Variants in CCT7 observed in about 807,000 individuals in gnomAD.
The protein encoded by CCT7 is T-complex protein 1 subunit eta.
A neutral mutation model predicts 56.6 loss-of-function variants in CCT7; 16 were observed. The ratio of observed to expected loss-of-function variants is 0.28; its 90% CI spans 0.19 to 0.43. CCT7 has a LOEUF of 0.43. CCT7 is among the 20% of genes least tolerant of loss of function. The pLI, the probability that CCT7 is intolerant of heterozygous loss-of-function variation, is 1.00. For missense variants in CCT7, 519 were observed against 685.6 expected, an observed-to-expected ratio of 0.76 and a Z score of 2.71; for synonymous variants, 262 against 254.8, an observed-to-expected ratio of 1.03 and a Z score of -0.27.
intron 6 of CCT7, among the ~76,000 whole-genome samples, chr2:73,245,233 A>G (rs755890248): frequency 5.9e-5 from 9 of 152,248 alleles, no homozygotes; most frequent in Admixed American, 2.6e-4. Flanking sequence ...CTTTGTGCAT[A>G]TATGAACATG....
At chr2:73,242,921 T>G in intron 3 of CCT7, 83 bp from the exon 4 acceptor site, 2 of 1,525,810 alleles carry the variant, frequency 1.3e-6, no homozygotes, top group Middle Eastern at 2.3e-4. Context: ...TCAGTTTAAA[T>G]GGGTAGCGTG....
At chr2:73,244,882 A>G (rs922098829) in intron 6 of CCT7, among the ~76,000 whole-genome samples, 167 bp downstream of exon 6, 1 of 152,154 alleles carries the variant, frequency 6.6e-6, no homozygotes, top group African/African-American at 2.4e-5. Flanking sequence ...CTGTTACTAG[A>G]TGAACTTGGT....
intron 11 of CCT7, 106 bp downstream of exon 11, chr2:73,251,538 C>T: frequency 2.1e-6 from 2 of 944,152 alleles, no homozygotes; most frequent in Non-Finnish European, 3.3e-6. Flanking sequence ...AGGAGATAGG[C>T]TGCAACTCCC....
At chr2:73,237,618 T>C (rs1407247356) in intron 1 of CCT7, 1 of 152,136 alleles carries the variant, frequency 6.6e-6, no homozygotes, top group African/African-American at 2.4e-5. Context: ...AAGCCATTTC[T>C]TGCCACCAGA....
At chr2:73,244,151 G>A in intron 5 of CCT7, 102 bp downstream of exon 5, 1 of 1,147,670 alleles carries the variant, frequency 8.7e-7, no homozygotes, top group Non-Finnish European at 1.2e-6. Flanking sequence ...TCTCCCACCT[G>A]CGACTCCCAA....
In CCT7 at chr2:73,252,647, C is replaced by G; in HGVS notation, c.1418C>G (p.Thr473Arg). The change falls in exon 12 of 12, where the codon ACA becomes AGA. Residue 473 changes from threonine to arginine, a missense_variant. Around this residue, in one of 3 missense-constraint regions of CCT7, gnomAD observed 237 missense variants for 300.8 expected, o/e 0.79. Coordinates refer to ENST00000258091, the MANE Select transcript of CCT7 (RefSeq NM_006429.4). ...CTTTTCCTACTCTTTTAGGGGGGTACATGGTATGGAGTAGACATCAACAAC... is the reference window on the plus strand; with the variant it reads ...CTTTTCCTACTCTTTTAGGGGGGTAGATGGTATGGAGTAGACATCAACAAC... ...KLRARHAQGG[T>R]WYGVDINNED... 1 of 1,613,086 alleles carries G rather than the reference C, an allele frequency of 6.2e-7. No individual in the cohort carries two copies. The highest frequency in any genetic ancestry group is 1.3e-5 in the African/African-American group (1 of 74,992).
At chr2:73,247,613 G>A (rs557760470) in intron 6 of CCT7, 149 bp from the exon 7 acceptor site, 81 of 569,758 alleles carry the variant, frequency 1.4e-4, no homozygotes, top group Non-Finnish European at 2.3e-4. Flanking sequence ...TCGATTTTAT[G>A]ATAACAGAAA....
chr2:73,244,220 C>T (rs1687234908), intron 5 of CCT7, 171 bp downstream of exon 5: 1 of 687,152 alleles, frequency 1.5e-6, no homozygotes. Flanking sequence ...CCTTGACTGA[C>T]TTCCTGTGGC....
At chr2:73,245,960 T>TGA (rs1687315351) in intron 6 of CCT7, among the ~76,000 whole-genome samples, 1 of 152,284 alleles carries the variant, frequency 6.6e-6, no homozygotes, top group South Asian at 2.1e-4. Context: ...CATAAATGGT[T>TGA]GAGATTAGAT....
intron 11 of CCT7, among the ~76,000 whole-genome samples, chr2:73,252,117 T>A (rs1687618273): frequency 6.6e-6 from 1 of 151,972 alleles, no homozygotes; most frequent in Non-Finnish European, 1.5e-5. Context: ...GTTTAATTTC[T>A]CCATTTGTTA....
rs1687665675 is a variant in CCT7, at chr2:73,252,966, C to T, written c.*105C>T. The T allele has an allele frequency of 2.8e-6, 2 of 709,768 alleles. No homozygotes were observed. Among genetic ancestry groups the T allele is most frequent in the Non-Finnish European group, 4.8e-6 (2 of 421,012 alleles). 44.0% of individuals were successfully genotyped at this position (709,768 alleles called of 1,614,324 possible). Reference sequence around the variant, plus strand: ...GAAGGGGTAGTAATTGGCCCACTCTCTTCTTACTGGAGGCTATTTAAATAA... The same window carrying T: ...GAAGGGGTAGTAATTGGCCCACTCTTTTCTTACTGGAGGCTATTTAAATAA... On this transcript the variant is annotated 3_prime_UTR_variant, in exon 12 of 12. Transcript: ENST00000258091.
At chr2:73,249,518 C>G (rs1687482096) in intron 8 of CCT7, among the ~76,000 whole-genome samples, 1 of 152,202 alleles carries the variant, frequency 6.6e-6, no homozygotes, top group Non-Finnish European at 1.5e-5. Context: ...GTTTAAAGTA[C>G]TCCTGAGTTC....
intron 1 of CCT7, among the ~76,000 whole-genome samples, chr2:73,234,623 GA>G (rs1472752475): frequency 6.6e-6 from 1 of 152,234 alleles, no homozygotes; most frequent in African/African-American, 2.4e-5. Flanking sequence ...GCCGGTTGGG[GA>G]CTACAAGTCC....
At chr2:73,242,865 A>T in intron 3 of CCT7, 139 bp from the exon 4 acceptor site, 1 of 992,266 alleles carries the variant, frequency 1.0e-6, no homozygotes, top group East Asian at 2.6e-5. Flanking sequence ...CTTATTGCAA[A>T]AACCTGTGCT....
In CCT7 at chr2:73,251,369, G is replaced by A. The variant is rs1284032855; in HGVS notation, c.1347G>A (p.Leu449=). ...AKALEIIPRQ[L]CDNAGFDATN... The stretch of plus-strand genomic sequence containing the variant: ...CCTTGGAGATTATCCCACGCCAGCT[G>A]TGTGACAATGCTGGCTTTGATGCCA... The change falls in exon 11 of 12, where the codon CTG becomes CTA. Residue 449 remains leucine, a synonymous_variant. Coordinates refer to ENST00000258091, the MANE Select transcript of CCT7 (RefSeq NM_006429.4). 1.2e-6 allele frequency: 2 copies of A among 1,613,796 alleles called. No individual in the cohort carries two copies. The highest frequency in any genetic ancestry group is 2.7e-5 in the African/African-American group (2 of 74,906).
intron 7 of CCT7, 96 bp from the exon 8 acceptor site, chr2:73,248,895 T>G: frequency 1.1e-6 from 1 of 922,632 alleles, no homozygotes; most frequent in Non-Finnish European, 1.7e-6. Context: ...TGAATCAGCA[T>G]GTTTTATTTG....
At position 73,234,387 on chromosome 2, in the gene CCT7, G is replaced by A; in HGVS notation, c.6+3G>A. The A allele has an allele frequency of 6.2e-7, 1 of 1,613,490 alleles. No individual in the cohort carries two copies. Among genetic ancestry groups the A allele is most frequent in the East Asian group, 2.2e-5 (1 of 44,886 alleles). On this transcript the variant is annotated splice_donor_region_variant and intron_variant, in intron 1 of 11. Transcript: ENST00000258091. The stretch of plus-strand genomic sequence containing the variant: ...CTGAATAAGCTTCCAAAATGATGGT[G>A]AGTGGCGTCTCGCGCATCCGTCGCC...
intron 11 of CCT7, 23 bp downstream of exon 11, chr2:73,251,455 GTTCAGGGTTTGGGC>G: frequency 1.8e-6 from 1 of 556,740 alleles, no homozygotes; most frequent in Non-Finnish European, 3.4e-6. Context: ...TCTCCCCAGG[GTTCAGGGTTTGGGC>G]GGGTGGGGCT....
At position 73,244,376 on chromosome 2, in the gene CCT7, A is replaced by G. The variant is rs1285991843; in HGVS notation, c.447-168A>G. 4.8e-6 allele frequency: 3 copies of G among 621,538 alleles called. No homozygotes were observed. The African/African-American group carries it at 5.5e-5, about 11-fold the overall frequency. The allele number at this position is 621,538 out of a possible 1,614,324, so 38.5% of individuals were successfully genotyped here. A position where few individuals can be genotyped will look rare whatever the true frequency, so the allele number is the denominator to read the frequency against. On this transcript the variant is annotated intron_variant, in intron 5 of 11. Coordinates refer to ENST00000258091, the MANE Select transcript of CCT7 (RefSeq NM_006429.4). ...AAAGCTGCCACATATGAGATCTTTGACTGCAGTCACCATCTGTCACTGATA... is the reference window on the plus strand; with the variant it reads ...AAAGCTGCCACATATGAGATCTTTGGCTGCAGTCACCATCTGTCACTGATA...
Sources: gnomAD v4.1 joint callset for allele counts (sites outside exome capture counted in the v4.1 genomes callset) on GRCh38, gnomAD v4.1.1 for gene constraint, gnomAD v4.1.1 regional missense constraint, MANE v1.5 for transcripts, NCBI Gene and HGNC (gene_info 2026-07-23, HGNC 2026-07-21) for gene names.